The following COL25A1 variants were observed in gnomAD, a reference collection of about 807,000 sequenced individuals.
The protein encoded by COL25A1 is collagen type XXV alpha 1 chain.
A neutral mutation model predicts 128.4 loss-of-function variants in COL25A1; 103 were observed. The ratio of observed to expected loss-of-function variants is 0.80; its 90% confidence interval spans 0.68 to 0.94. The LOEUF is 0.94. Ranked by LOEUF, COL25A1 falls within the 40% of genes least tolerant of loss-of-function variation. The probability of loss-of-function intolerance (pLI) is 0.00; values close to 1 mark genes in which losing one functional copy is unlikely to be tolerated. For synonymous variants in COL25A1, 279 were observed against 277.2 expected, an observed-to-expected ratio of 1.01 and a Z score of -0.06; for missense variants, 745 against 840.0, an observed-to-expected ratio of 0.89 and a Z score of 1.40.
At chr4:108,828,564 T>C (rs1038024800) in intron 32 of COL25A1, among the ~76,000 whole-genome samples, 2 of 152,210 alleles carry the variant, frequency 1.3e-5, no homozygotes, top group African/African-American at 4.8e-5. Flanking sequence ...ACGATATTCT[T>C]GAACACTTAT....
chr4:109,259,975 A>C (rs1781325755), intron 3 of COL25A1, among the ~76,000 whole-genome samples: 1 of 152,236 alleles, frequency 6.6e-6, no homozygotes, highest in African/African-American at 2.4e-5. Context: ...GTTTACGACA[A>C]ACAGGCGATG....
chr4:109,006,904 T>G (rs774315589), intron 6 of COL25A1, among the ~76,000 whole-genome samples: 16 of 151,914 alleles, frequency 1.1e-4, no homozygotes, highest in Admixed American at 2.0e-4. Context: ...ATTGGGCACC[T>G]GTGGGGGCTT....
At chr4:109,144,653 A>T (rs1770758855) in intron 3 of COL25A1, among the ~76,000 whole-genome samples, 1 of 152,156 alleles carries the variant, frequency 6.6e-6, no homozygotes, top group Non-Finnish European at 1.5e-5. Flanking sequence ...AAAACTTCAG[A>T]CTCACATCTC....
At chr4:109,071,881 A>G (rs1762999122) in intron 3 of COL25A1, among the ~76,000 whole-genome samples, 1 of 152,224 alleles carries the variant, frequency 6.6e-6, no homozygotes, top group African/African-American at 2.4e-5. Context: ...ATCGTGGAAG[A>G]CAGTGTGGCA....
chr4:108,882,402 C>T (rs936258008), intron 19 of COL25A1, among the ~76,000 whole-genome samples: 13 of 152,046 alleles, frequency 8.6e-5, no homozygotes, highest in African/African-American at 1.9e-4. Flanking sequence ...GCTGGTACCC[C>T]GATAACCTAC....
intron 3 of COL25A1, among the ~76,000 whole-genome samples, chr4:109,124,119 C>CACTG (rs1039634915): frequency 4.9e-4 from 74 of 152,150 alleles, no homozygotes; most frequent in Admixed American, 1.8e-3. Context: ...CTGTTTCAGG[C>CACTG]ACTGACATTG....
intron 16 of COL25A1, among the ~76,000 whole-genome samples, chr4:108,890,467 A>G (rs1161464727): frequency 1.3e-5 from 2 of 152,184 alleles, no homozygotes; most frequent in Non-Finnish European, 2.9e-5. Flanking sequence ...CAGAGGGTGA[A>G]TACTTCTCTA....
chr4:108,826,658 T>C (rs1185430520), intron 33 of COL25A1, among the ~76,000 whole-genome samples: 2 of 152,340 alleles, frequency 1.3e-5, no homozygotes, highest in Non-Finnish European at 2.9e-5. Flanking sequence ...CAAGTCGTCA[T>C]AAATATCAAT....
chr4:108,929,324 A>T (rs1345628537), intron 11 of COL25A1, among the ~76,000 whole-genome samples: 1 of 151,908 alleles, frequency 6.6e-6, no homozygotes, highest in East Asian at 1.9e-4. Flanking sequence ...GGGTTTCACC[A>T]TGTTGGCCAG....
At chr4:108,845,035 G>A (rs1734920350) in intron 29 of COL25A1, among the ~76,000 whole-genome samples, 154 bp downstream of exon 29, 1 of 152,106 alleles carries the variant, frequency 6.6e-6, no homozygotes, top group African/African-American at 2.4e-5. Flanking sequence ...CACTGTGCAG[G>A]GCTGACGGAT....
chr4:109,088,056 T>TTA (rs150278420), intron 3 of COL25A1, among the ~76,000 whole-genome samples: 3,553 of 150,144 alleles, frequency 0.024, 159 homozygotes, highest in African/African-American at 0.081. Flanking sequence ...TATATATATT[T>TTA]TATATATATA....
At chr4:108,911,998 T>A (rs906631718) in intron 13 of COL25A1, among the ~76,000 whole-genome samples, 6 of 152,082 alleles carry the variant, frequency 3.9e-5, no homozygotes, top group African/African-American at 1.4e-4. Context: ...TTAAAGAAAA[T>A]CTTACTTATT....
intron 3 of COL25A1, among the ~76,000 whole-genome samples, chr4:109,249,262 T>C (rs1249637302): frequency 6.6e-6 from 1 of 152,176 alleles, no homozygotes; most frequent in Non-Finnish European, 1.5e-5. Flanking sequence ...TAATTCCTTA[T>C]ATGCGTCATC....
At chr4:109,196,556 A>T (rs1011879696) in intron 3 of COL25A1, among the ~76,000 whole-genome samples, 1 of 152,212 alleles carries the variant, frequency 6.6e-6, no homozygotes, top group Non-Finnish European at 1.5e-5. Context: ...TCCATACAAC[A>T]ATCTGACAGC....
At chr4:108,875,596 GC>G (rs1320876859) in intron 19 of COL25A1, among the ~76,000 whole-genome samples, 1 of 152,130 alleles carries the variant, frequency 6.6e-6, no homozygotes, top group Non-Finnish European at 1.5e-5. Context: ...AAATAGGAAT[GC>G]TTTTACACTG....
rs796441649 is a variant in COL25A1, at chr4:109,218,356, G to GTTTTTTTTTT, written c.367+82226_367+82227insAAAAAAAAAA. 2.8e-3 allele frequency among the ~76,000 whole-genome samples: 286 copies of GTTTTTTTTTT among 100,354 alleles called. 1 individual carries two copies. Among genetic ancestry groups the GTTTTTTTTTT allele is most frequent in the African/African-American group, 0.011 (262 of 24,334 alleles). The allele number at this position is 100,354 out of a possible 152,430, so 65.8% of individuals were successfully genotyped here. ...GCAGAATCAATTGCTGGTTTTTTGG[G>GTTTTTTTTTT]GTTTTTTTTTTTTTTTTTTTTTTTT... On this transcript the variant is annotated intron_variant, in intron 3 of 37. Transcript: ENST00000399132.
At chr4:109,274,559 A>C (rs1782413556) in intron 3 of COL25A1, among the ~76,000 whole-genome samples, 1 of 152,182 alleles carries the variant, frequency 6.6e-6, no homozygotes, top group African/African-American at 2.4e-5. Context: ...AAAATATCCC[A>C]AAGAAAAGAG....
intron 3 of COL25A1, among the ~76,000 whole-genome samples, chr4:109,116,305 C>T (rs1043371754): frequency 4.6e-5 from 7 of 152,056 alleles, no homozygotes; most frequent in Admixed American, 4.6e-4. Flanking sequence ...GCATTTTATT[C>T]TTGTCAACAA....
intron 5 of COL25A1, among the ~76,000 whole-genome samples, chr4:109,025,198 T>C (rs1342445749): frequency 6.6e-6 from 1 of 152,180 alleles, no homozygotes; most frequent in Non-Finnish European, 1.5e-5. Context: ...TGTAAGTAAA[T>C]GATCAGTTTT....
Sources: allele counts gnomAD v4.1 joint callset (sites outside exome capture counted in the v4.1 genomes callset), GRCh38; gene constraint gnomAD v4.1.1; transcripts MANE v1.5; gene names NCBI Gene and HGNC (gene_info 2026-07-23, HGNC 2026-07-21).